CHRM3: variants seen among roughly 807,000 people sequenced by gnomAD.
CHRM3 encodes the protein cholinergic receptor muscarinic 3.
CHRM3 carries 11 observed loss-of-function variants against 41.8 expected under a neutral mutation model. The ratio of observed to expected loss-of-function variants is 0.26; its 90% CI spans 0.17 to 0.44. The LOEUF is 0.44. Among genes scored for constraint, CHRM3 ranks in the 20% least tolerant of loss-of-function variants. The pLI is 1.00. For missense variants in CHRM3, 571 were observed against 745.4 expected, an observed-to-expected ratio of 0.77 and a Z score of 2.72; for synonymous variants, 297 against 301.4, an observed-to-expected ratio of 0.99 and a Z score of 0.15.
intron 1 of CHRM3, among the ~76,000 whole-genome samples, chr1:239,404,426 GAAAGAAA>G (rs1660366601): frequency 9.5e-6 from 1 of 104,810 alleles, no homozygotes; most frequent in African/African-American, 3.8e-5. Flanking sequence ...AAGAAAGAAA[GAAAGAAA>G]GAAAGAAAGA....
intron 5 of CHRM3, among the ~76,000 whole-genome samples, chr1:239,798,213 A>G (rs775060328): frequency 3.9e-5 from 6 of 152,160 alleles, no homozygotes; most frequent in Non-Finnish European, 7.3e-5. Context: ...AGTATATAAC[A>G]TATATAAAAT....
At chr1:239,425,495 G>A (rs1006277770) in intron 1 of CHRM3, among the ~76,000 whole-genome samples, 10 of 151,896 alleles carry the variant, frequency 6.6e-5, no homozygotes, top group Non-Finnish European at 1.5e-4. Context: ...TGCATAAGCA[G>A]CCTTCACTCA....
chr1:239,473,431 T>C (rs938438919), intron 1 of CHRM3, among the ~76,000 whole-genome samples: 1 of 152,132 alleles, frequency 6.6e-6, no homozygotes, highest in Non-Finnish European at 1.5e-5. Context: ...AGGCATTTCA[T>C]ATAAGTGATA....
chr1:239,495,170 A>AG lies in CHRM3; in HGVS notation c.-422+2366dup, dbSNP rs140735532. ...TTTTCAAAATTCACATATTGAGTAC[A>AG]GGGTTCAAGTGTTTGGTTGCTTCGA... On this transcript the variant is annotated intron_variant, in intron 2 of 6. Transcript: ENST00000676153. 8.7e-3 allele frequency among the ~76,000 whole-genome samples: 1,328 copies of AG among 152,300 alleles called. 12 individuals are homozygous for AG. The highest frequency in any genetic ancestry group is 0.013 in the Non-Finnish European group (886 of 68,020).
intron 1 of CHRM3, among the ~76,000 whole-genome samples, chr1:239,427,112 G>A (rs1394277390): frequency 3.3e-5 from 5 of 152,124 alleles, no homozygotes; most frequent in Non-Finnish European, 7.3e-5. Context: ...GAAAAAGATT[G>A]GGTGATAGTG....
At chr1:239,493,882 G>A (rs1232591737) in intron 2 of CHRM3, among the ~76,000 whole-genome samples, 2 of 152,118 alleles carry the variant, frequency 1.3e-5, no homozygotes, top group South Asian at 2.1e-4. Flanking sequence ...GCCCAGGAGG[G>A]TTCTTGGCTT....
intron 5 of CHRM3, among the ~76,000 whole-genome samples, chr1:239,766,150 A>G (rs1222342693): frequency 6.6e-6 from 1 of 152,140 alleles, no homozygotes; most frequent in Non-Finnish European, 1.5e-5. Context: ...TAAGTGCCAG[A>G]TCTGGGAGAG....
At chr1:239,698,153 A>G (rs775732434) in intron 5 of CHRM3, among the ~76,000 whole-genome samples, 2 of 152,204 alleles carry the variant, frequency 1.3e-5, no homozygotes, top group African/African-American at 4.8e-5. Flanking sequence ...AGGCATTAAA[A>G]GGTAATTATT....
chr1:239,621,579 G>A (rs973208140), intron 3 of CHRM3, among the ~76,000 whole-genome samples: 1 of 152,192 alleles, frequency 6.6e-6, no homozygotes, highest in African/African-American at 2.4e-5. Flanking sequence ...CCTTATTGCT[G>A]ATATGGAGGA....
intron 3 of CHRM3, among the ~76,000 whole-genome samples, chr1:239,608,501 G>C (rs1266452021): frequency 6.6e-6 from 1 of 150,840 alleles, no homozygotes; most frequent in Non-Finnish European, 1.5e-5. Flanking sequence ...CTTTTTTTTT[G>C]TATGTCCTAA....
chr1:239,533,394 A>T lies in CHRM3; in HGVS notation c.-421-12247A>T, dbSNP rs895877372. Among the ~76,000 whole-genome samples the T allele has an allele frequency of 2.4e-4, 37 of 152,038 alleles. 1 individual carries two copies. The highest frequency in any genetic ancestry group is 8.0e-4 in the African/African-American group (33 of 41,380). ...GCAGAAGGTGAAGGAGAAGAAAGGC[A>T]CCTTCTTCACAGGGCGGCAGGAAGG... On this transcript the variant is annotated intron_variant, in intron 2 of 6. Transcript: ENST00000676153.
chr1:239,757,073 A>G (rs987172184), intron 5 of CHRM3, among the ~76,000 whole-genome samples: 2 of 152,132 alleles, frequency 1.3e-5, no homozygotes, highest in Non-Finnish European at 2.9e-5. Context: ...TAAAATTACC[A>G]TTTTTCTCTC....
chr1:239,804,592 T>A (rs929010946), intron 5 of CHRM3, among the ~76,000 whole-genome samples: 3 of 152,148 alleles, frequency 2.0e-5, no homozygotes, highest in Admixed American at 6.5e-5. Context: ...GCAGTTGGGT[T>A]TCAAAAGGAA....
chr1:239,736,222 T>G (rs562767136), intron 5 of CHRM3, among the ~76,000 whole-genome samples: 3 of 152,038 alleles, frequency 2.0e-5, no homozygotes, highest in Non-Finnish European at 4.4e-5. Context: ...CATTTAAGGA[T>G]CTGGCAGTAA....
At chr1:239,402,698 C>A (rs542925753) in intron 1 of CHRM3, among the ~76,000 whole-genome samples, 6 of 152,136 alleles carry the variant, frequency 3.9e-5, no homozygotes, top group Non-Finnish European at 5.9e-5. Context: ...AAAATATGGT[C>A]GTCCCTCAGT....
chr1:239,412,073 T>C (rs9428471), intron 1 of CHRM3, among the ~76,000 whole-genome samples: 2 of 151,582 alleles, frequency 1.3e-5, no homozygotes, highest in Non-Finnish European at 2.9e-5. Context: ...AAATTTTGGT[T>C]ATATTAATAT....
intron 1 of CHRM3, among the ~76,000 whole-genome samples, chr1:239,491,107 A>AT (rs1318213122): frequency 6.6e-6 from 1 of 152,200 alleles, no homozygotes; most frequent in Admixed American, 6.5e-5. Context: ...TGATATTTCC[A>AT]TACATTTATA....
intron 1 of CHRM3, among the ~76,000 whole-genome samples, chr1:239,456,087 C>T (rs34584779): frequency 0.21 from 32,148 of 152,186 alleles, 4,071 homozygotes; most frequent in Middle Eastern, 0.35. Flanking sequence ...AAGGAGGCAT[C>T]TGATGCCGTG....
rs557781130 is a variant in CHRM3 at position 239,654,544 on chromosome 1, A to G, written c.-250+22258A>G. 3.0e-4 allele frequency among the ~76,000 whole-genome samples: 45 copies of G among 152,206 alleles called. 1 individual carries two copies. In the South Asian group the frequency reaches 8.9e-3, roughly 30 times the overall value. On this transcript the variant is annotated intron_variant, in intron 4 of 6. Coordinates refer to ENST00000676153, the MANE Select transcript of CHRM3 (RefSeq NM_001375978.1). ...CTCCCGAGTAGCTGGGACTACAGGC[A>G]CACACCACCCATCCTGGCTAATTTT...
Sources: gnomAD v4.1 joint callset for allele counts (sites outside exome capture counted in the v4.1 genomes callset) on GRCh38, gnomAD v4.1.1 for gene constraint, MANE v1.5 for transcripts, NCBI Gene and HGNC (gene_info 2026-07-23, HGNC 2026-07-21) for gene names.